Variants in LMOD1 observed in about 807,000 individuals in gnomAD.
LMOD1 encodes leiomodin-1.
A neutral mutation model predicts 36.5 loss-of-function variants in LMOD1; 8 were observed. The observed-to-expected ratio is 0.22, with a 90% confidence interval of 0.13 to 0.40. The LOEUF (loss-of-function observed/expected upper bound fraction) is 0.40, where lower values mean the gene tolerates loss of function less well. LMOD1 is among the 10% of genes least tolerant of loss of function. The probability of loss-of-function intolerance (pLI) is 1.00; values close to 1 mark genes in which losing one functional copy is unlikely to be tolerated. For missense variants in LMOD1, 630 were observed against 751.1 expected (o/e 0.84, Z 1.88); for synonymous variants, 284 against 288.7 (o/e 0.98, Z 0.17).
intron 1 of LMOD1, among the ~76,000 whole-genome samples, chr1:201,918,592 G>GC (rs1681647510): frequency 2.0e-5 from 3 of 152,272 alleles, no homozygotes; most frequent in East Asian, 1.9e-4. Flanking sequence ...CTTGGGTCTT[G>GC]TTGCCTATGC....
At chr1:201,911,874 C>T (rs916062146) in intron 1 of LMOD1, among the ~76,000 whole-genome samples, 3 of 152,176 alleles carry the variant, frequency 2.0e-5, no homozygotes, top group South Asian at 2.1e-4. Context: ...GAAAACTATG[C>T]TCCACAACAT....
At chr1:201,919,805 C>T (rs1447150543) in intron 1 of LMOD1, among the ~76,000 whole-genome samples, 1 of 152,180 alleles carries the variant, frequency 6.6e-6, no homozygotes, top group African/African-American at 2.4e-5. Flanking sequence ...TTTTTGTCCA[C>T]TAACCAGGGC....
intron 1 of LMOD1, among the ~76,000 whole-genome samples, chr1:201,921,743 G>A (rs1160111478): frequency 2.6e-5 from 4 of 151,712 alleles, no homozygotes; most frequent in Non-Finnish European, 4.4e-5. Context: ...GGCGGATCAC[G>A]AGGTCAGGAG....
At chr1:201,940,373 G>A (rs1042854703) in intron 1 of LMOD1, among the ~76,000 whole-genome samples, 11 of 151,272 alleles carry the variant, frequency 7.3e-5, no homozygotes, top group African/African-American at 2.7e-4. Flanking sequence ...TTTTAGTAGA[G>A]ATGGGGTTTT....
At chr1:201,924,721 G>GAAAGAAAGAAAGA (rs1553297960) in intron 1 of LMOD1, among the ~76,000 whole-genome samples, 20 of 114,236 alleles carry the variant, frequency 1.8e-4, no homozygotes, top group African/African-American at 5.9e-4. Context: ...AAGAAAGAAA[G>GAAAGAAAGAAAGA]AAAGAAAGAA....
At chr1:201,905,964 G>A (rs1230810314) in intron 1 of LMOD1, among the ~76,000 whole-genome samples, 2 of 152,204 alleles carry the variant, frequency 1.3e-5, no homozygotes, top group Admixed American at 1.3e-4. Context: ...CAGTTCCGAC[G>A]GTTTGATGCC....
chr1:201,900,818 G>A, intron 1 of LMOD1, 67 bp from the exon 2 acceptor site: 1 of 1,396,830 alleles, frequency 7.2e-7, no homozygotes, highest in Middle Eastern at 1.8e-4. Context: ...TGAGTATGGG[G>A]ATGTGTGGGG....
At chr1:201,923,765 T>TGAAGTGGGAGAATCATATGAGGCC (rs1681746306) in intron 1 of LMOD1, among the ~76,000 whole-genome samples, 3 of 151,874 alleles carry the variant, frequency 2.0e-5, no homozygotes, top group African/African-American at 7.3e-5. Context: ...CTCAGGAGGC[T>TGAAGTGGGAGAATCATATGAGGCC]GAAGTGGGAG....
chr1:201,901,540 A>ATATATATATATATG lies in LMOD1; in HGVS notation c.262-790_262-789insCATATATATATATA, dbSNP rs1681307424. On this transcript the variant is annotated intron_variant, in intron 1 of 2. Transcript: ENST00000367288. ...TATATATATATATATGTATATATAT[A>ATATATATATATATG]TATATATATATACATATATATATGT... 1.3e-4 allele frequency among the ~76,000 whole-genome samples: 6 copies of ATATATATATATATG among 47,364 alleles called. 1 individual carries two copies. Among genetic ancestry groups the ATATATATATATATG allele is most frequent in the South Asian group, 7.8e-4 (1 of 1,286 alleles). The allele number at this position is 47,364 out of a possible 152,430, so 31.1% of individuals were successfully genotyped here.
intron 1 of LMOD1, among the ~76,000 whole-genome samples, chr1:201,935,146 A>T (rs929291352): frequency 1.3e-5 from 2 of 152,216 alleles, no homozygotes; most frequent in Admixed American, 6.5e-5. Context: ...TCAGATAAAC[A>T]GACTGTAGGA....
Position 201,901,598 on chromosome 1 carries a change from A to G in LMOD1, c.262-847T>C, listed in dbSNP as rs6684729. Among the ~76,000 whole-genome samples the G allele has an allele frequency of 3.1e-3, 28 of 8,954 alleles. 2 individuals are homozygous for G. The highest frequency in any genetic ancestry group is 9.7e-3 in the South Asian group (3 of 308). The allele number at this position is 8,954 out of a possible 152,430, so 5.9% of individuals were successfully genotyped here. A position where few individuals can be genotyped will look rare whatever the true frequency, so the allele number is the denominator to read the frequency against. On this transcript the variant is annotated intron_variant, in intron 1 of 2. Transcript: ENST00000367288. Reference sequence around the variant, plus strand: ...TATATATATATACATATATATATGTATATATATATATACACATATATATGT... The same window carrying G: ...TATATATATATACATATATATATGTGTATATATATATACACATATATATGT...
At position 201,911,236 on chromosome 1, in the gene LMOD1, G is replaced by A. The variant is rs143283488; in HGVS notation, c.262-10485C>T. Among the ~76,000 whole-genome samples the A allele has an allele frequency of 4.9e-3, 741 of 152,286 alleles. 4 individuals are homozygous for A. The highest frequency in any genetic ancestry group is 0.025 in the South Asian group (123 of 4,828). On this transcript the variant is annotated intron_variant, in intron 1 of 2. Coordinates refer to ENST00000367288, the MANE Select transcript of LMOD1 (RefSeq NM_012134.3). ...GAGATGGTGAATCGAATGTCACCCC[G>A]GAAGTTTCTCCAGCATTCCCTTGGA...
chr1:201,936,605 A>C (rs1404820475), intron 1 of LMOD1, among the ~76,000 whole-genome samples: 1 of 151,748 alleles, frequency 6.6e-6, no homozygotes, highest in Non-Finnish European at 1.5e-5. Flanking sequence ...GCTTTTCCCC[A>C]CATCTTCCCA....
intron 1 of LMOD1, among the ~76,000 whole-genome samples, chr1:201,933,802 T>A (rs1160071055): frequency 6.6e-6 from 1 of 151,874 alleles, no homozygotes; most frequent in Non-Finnish European, 1.5e-5. Flanking sequence ...CCAATAAAAA[T>A]GTTATAAAAA....
intron 1 of LMOD1, among the ~76,000 whole-genome samples, chr1:201,923,949 GAAAGGAAAGAAAAAGAA>G (rs950215650): frequency 2.1e-5 from 3 of 142,202 alleles, no homozygotes; most frequent in Non-Finnish European, 4.6e-5. Context: ...GAAAAGGAAA[GAAAGGAAAGAAAAAGAA>G]AAAGGAAAGA....
At chr1:201,913,654 C>T (rs568649267) in intron 1 of LMOD1, among the ~76,000 whole-genome samples, 1 of 152,230 alleles carries the variant, frequency 6.6e-6, no homozygotes, top group Admixed American at 6.5e-5. Context: ...AGGCTCGCCT[C>T]CTTAATCCTC....
rs775453627 is a variant in LMOD1 at position 201,899,500 on chromosome 1, C to G, written c.1513G>C (p.Ala505Pro). 2.4e-5 allele frequency: 39 copies of G among 1,613,852 alleles called. No homozygotes were observed. The African/African-American group carries it at 4.4e-4, about 18-fold the overall frequency. ...GGTGAAGGTTTTGGGGAGCCCTTAGCCACGGCCCCGGCCTTGGGTACCTCC... is the reference window on the plus strand; with the variant it reads ...GGTGAAGGTTTTGGGGAGCCCTTAGGCACGGCCCCGGCCTTGGGTACCTCC... ...LLEVPKAGAV[A>P]KGSPKPSPQP... The change falls in exon 2 of 3, where the codon GCT becomes CCT. Residue 505 changes from alanine (A) to proline (P), a missense_variant. Transcript: ENST00000367288. This position sits in a 1 kb window ranked among gnomAD's most constrained non-coding sequence, Gnocchi z 6.3.
chr1:201,935,319 CTTTT>C (rs35542093), intron 1 of LMOD1, among the ~76,000 whole-genome samples: 3 of 138,254 alleles, frequency 2.2e-5, no homozygotes, highest in Admixed American at 7.2e-5. Flanking sequence ...ATTTGATGTC[CTTTT>C]TTTTTTTTTT....
intron 1 of LMOD1, among the ~76,000 whole-genome samples, chr1:201,938,276 C>T (rs1301731117): frequency 7.9e-5 from 12 of 151,966 alleles, no homozygotes; most frequent in African/African-American, 2.9e-4. Context: ...ATTACAGGCA[C>T]GTGCCACCAC....
Sources: allele counts gnomAD v4.1 joint callset (sites outside exome capture counted in the v4.1 genomes callset), GRCh38; gene constraint gnomAD v4.1.1; non-coding constraint Gnocchi (gnomAD v3.1); transcripts MANE v1.5; gene names NCBI Gene and HGNC (gene_info 2026-07-23, HGNC 2026-07-21).